Variants in DNAAF9 observed in about 807,000 individuals in gnomAD.
DNAAF9 encodes shulin.
DNAAF9 carries 90 observed loss-of-function variants against 167.0 expected under a neutral mutation model. The ratio of observed to expected loss-of-function variants is 0.54; its 90% confidence interval spans 0.45 to 0.64. DNAAF9 has a LOEUF of 0.64. DNAAF9 is among the 30% of genes least tolerant of loss of function. The probability of loss-of-function intolerance (pLI) is 0.00; values close to 1 mark genes in which losing one functional copy is unlikely to be tolerated. For synonymous variants in DNAAF9, 491 were observed against 508.8 expected (o/e 0.96, Z 0.47); for missense variants, 1,315 against 1,442.2 (o/e 0.91, Z 1.43).
At position 3,407,480 on chromosome 20, in the gene DNAAF9, G is replaced by T; in HGVS notation, c.78C>A (p.Ser26=). 1 of 1,310,132 alleles carries T rather than the reference G, an allele frequency of 7.6e-7. No individual in the cohort carries two copies. The highest frequency in any genetic ancestry group is 2.2e-5 in the South Asian group (1 of 45,084). The allele number at this position is 1,310,132 out of a possible 1,614,324, so 81.2% of individuals were successfully genotyped here. Residue 26 remains serine (S), a synonymous_variant, in exon 1 of 37, where the codon TCC becomes TCA. Coordinates refer to ENST00000252032, the MANE Select transcript of DNAAF9 (RefSeq NM_001009984.3). ...SPGGSSRGSP[S]VSCSRLRQVQ... ...GCTGCCTCTGCCCCGCGTACCTGACGGAGGGTGACCCGCGGCTGGAGCCGC... is the reference window on the plus strand; with the variant it reads ...GCTGCCTCTGCCCCGCGTACCTGACTGAGGGTGACCCGCGGCTGGAGCCGC...
chr20:3,382,090 C>T (rs2083661902), intron 2 of DNAAF9, among the ~76,000 whole-genome samples: 1 of 152,172 alleles, frequency 6.6e-6, no homozygotes, highest in Non-Finnish European at 1.5e-5. Context: ...ACTACCATCT[C>T]TCAATGCTTT....
chr20:3,370,227 T>C (rs971312979), intron 6 of DNAAF9, among the ~76,000 whole-genome samples: 1 of 152,184 alleles, frequency 6.6e-6, no homozygotes, highest in Admixed American at 6.5e-5. Context: ...TGGTTTTGTC[T>C]TGCCTTTCAG....
At chr20:3,316,490 G>A (rs1032722056) in intron 18 of DNAAF9, among the ~76,000 whole-genome samples, 6 of 144,014 alleles carry the variant, frequency 4.2e-5, no homozygotes, top group Non-Finnish European at 9.2e-5. Context: ...ATTTAACAGT[G>A]ACCCACGTAA....
chr20:3,310,213 AAACG>A (rs2069376677), intron 20 of DNAAF9, among the ~76,000 whole-genome samples: 1 of 151,688 alleles, frequency 6.6e-6, no homozygotes. Context: ...AAAGATGAAC[AAACG>A]AACTAATGAT....
intron 23 of DNAAF9, chr20:3,296,479 G>A: frequency 3.5e-6 from 1 of 287,512 alleles, no homozygotes; most frequent in Non-Finnish European, 6.7e-6. Context: ...CTGGGCTCAA[G>A]TAACCCTTCC....
At chr20:3,299,602 G>A (rs913512192) in intron 21 of DNAAF9, among the ~76,000 whole-genome samples, 71 of 152,252 alleles carry the variant, frequency 4.7e-4, no homozygotes, top group African/African-American at 1.6e-3. Flanking sequence ...GTGAGCCACC[G>A]CACCCGGCCT....
intron 25 of DNAAF9, among the ~76,000 whole-genome samples, chr20:3,291,861 G>T (rs1327668399): frequency 1.3e-5 from 2 of 152,038 alleles, no homozygotes. Flanking sequence ...CCCTCAGGCA[G>T]TACTCCATGT....
In DNAAF9 at chr20:3,379,538, A is replaced by G. The variant is rs188176562; in HGVS notation, c.283+1841T>C. On this transcript the variant is annotated intron_variant, in intron 3 of 36. Coordinates refer to ENST00000252032, the MANE Select transcript of DNAAF9 (RefSeq NM_001009984.3). ...AGGAGGCAGAGGCTGCAGTGAGCCA[A>G]TATCACACCACTGCACTCCAGCCTG... Among the ~76,000 whole-genome samples, 491 of 152,020 alleles carry G rather than the reference A, an allele frequency of 3.2e-3. 2 individuals are homozygous for G. Among genetic ancestry groups the G allele is most frequent in the African/African-American group, 0.011 (461 of 41,492 alleles).
intron 1 of DNAAF9, among the ~76,000 whole-genome samples, chr20:3,391,047 A>G (rs995319762): frequency 6.6e-6 from 1 of 152,226 alleles, no homozygotes; most frequent in Admixed American, 6.5e-5. Context: ...ACTGCTGTAC[A>G]AAGCCAAGAC....
At chr20:3,399,825 C>T (rs1233605649) in intron 1 of DNAAF9, among the ~76,000 whole-genome samples, 1 of 152,186 alleles carries the variant, frequency 6.6e-6, no homozygotes, top group Non-Finnish European at 1.5e-5. Context: ...ACAGGACCGG[C>T]CTGCCTTCCT....
intron 1 of DNAAF9, among the ~76,000 whole-genome samples, chr20:3,383,414 G>A (rs2083690832): frequency 1.3e-5 from 2 of 151,536 alleles, no homozygotes; most frequent in Admixed American, 6.6e-5. Context: ...GATTACAGGT[G>A]TGTGCCACCA....
chr20:3,271,625 CTT>C (rs199597627), intron 29 of DNAAF9, among the ~76,000 whole-genome samples: 6 of 113,178 alleles, frequency 5.3e-5, no homozygotes, highest in Admixed American at 8.6e-5. Context: ...TTTACTTCTT[CTT>C]TTTTTTTTTT....
chr20:3,291,063 A>G (rs2068943146), intron 25 of DNAAF9, among the ~76,000 whole-genome samples: 1 of 152,092 alleles, frequency 6.6e-6, no homozygotes, highest in African/African-American at 2.4e-5. Flanking sequence ...TGCTGGAATT[A>G]CAGGCGTGAG....
chr20:3,287,345 T>C (rs958428449), intron 27 of DNAAF9, among the ~76,000 whole-genome samples: 1 of 152,222 alleles, frequency 6.6e-6, no homozygotes, highest in Admixed American at 6.5e-5. Context: ...TAGGGACCAC[T>C]ACTGCTGCAA....
chr20:3,289,767 C>T (rs1458329445), intron 26 of DNAAF9, among the ~76,000 whole-genome samples: 1 of 152,166 alleles, frequency 6.6e-6, no homozygotes, highest in African/African-American at 2.4e-5. Flanking sequence ...CCACTTTTGC[C>T]TCCCAAAGTG....
rs747883857 is a variant in DNAAF9 at position 3,278,952 on chromosome 20, A to AG, written c.2613-4dup. The AG allele has an allele frequency of 2.8e-5, 44 of 1,592,646 alleles. No individual in the cohort carries two copies. Among genetic ancestry groups the AG allele is most frequent in the Non-Finnish European group, 3.4e-5 (40 of 1,161,904 alleles). Reference sequence around the variant, plus strand: ...CAAGACATTTAGGAAAGAGAAATCTAGGGGGAAAAAAGGGGGAAATATTTA... The same window carrying AG: ...CAAGACATTTAGGAAAGAGAAATCTAGGGGGGAAAAAAGGGGGAAATATTTA... On this transcript the variant is annotated splice_polypyrimidine_tract_variant and splice_region_variant and intron_variant, in intron 28 of 36. Coordinates refer to ENST00000252032, the MANE Select transcript of DNAAF9 (RefSeq NM_001009984.3).
At chr20:3,327,678 C>T (rs922161560) in intron 12 of DNAAF9, among the ~76,000 whole-genome samples, 1 of 152,146 alleles carries the variant, frequency 6.6e-6, no homozygotes, top group Non-Finnish European at 1.5e-5. Context: ...GCAATAAGGG[C>T]CTCTGGAAGT....
chr20:3,336,252 G>GTTTTTTTTTTTTTTTTTTTTTT lies in DNAAF9; in HGVS notation c.982-3892_982-3891insAAAAAAAAAAAAAAAAAAAAAA, dbSNP rs1178750984. ...TGATTTTGCAGATTCACAGTTTTGC[G>GTTTTTTTTTTTTTTTTTTTTTT]TTTTTGTTTTTTTTTTTTTTTTTGC... On this transcript the variant is annotated intron_variant, in intron 10 of 36. Transcript: ENST00000252032. Among the ~76,000 whole-genome samples the GTTTTTTTTTTTTTTTTTTTTTT allele has an allele frequency of 4.4e-4, 36 of 81,412 alleles. 5 individuals are homozygous for GTTTTTTTTTTTTTTTTTTTTTT. The highest frequency in any genetic ancestry group is 7.4e-3 in the Middle Eastern group (1 of 136). The allele number at this position is 81,412 out of a possible 152,430, so 53.4% of individuals were successfully genotyped here.
chr20:3,308,449 T>C (rs2123005765), intron 20 of DNAAF9, among the ~76,000 whole-genome samples: 1 of 151,782 alleles, frequency 6.6e-6, no homozygotes, highest in South Asian at 2.1e-4. Flanking sequence ...TTCAAGTGAT[T>C]CTTGTGCCTC....
Sources: gnomAD v4.1 joint callset for allele counts (sites outside exome capture counted in the v4.1 genomes callset) on GRCh38, gnomAD v4.1.1 for gene constraint, MANE v1.5 for transcripts, NCBI Gene and HGNC (gene_info 2026-07-23, HGNC 2026-07-21) for gene names.